Variants in EDA observed in about 807,000 individuals in gnomAD.
EDA encodes ectodysplasin A.
Under a neutral mutation model 23.6 loss-of-function variants are expected in EDA, and 2 were observed. The observed-to-expected ratio is 0.08, with a 90% CI of 0.03 to 0.27. The LOEUF is 0.27. Among genes scored for constraint, EDA ranks in the 10% least tolerant of loss-of-function variants. The pLI, the probability that EDA is intolerant of heterozygous loss-of-function variation, is 1.00. For missense variants in EDA, 229 were observed against 324.2 expected (o/e 0.71, Z 2.26); for synonymous variants, 131 against 132.0 (o/e 0.99, Z 0.05).
intron 1 of EDA, among the ~76,000 whole-genome samples, chrX:69,675,976 A>G (rs1934065778): frequency 9.0e-6 from 1 of 111,221 alleles, no homozygotes; most frequent in Non-Finnish European, 1.9e-5. Flanking sequence ...TTCCAGGCAG[A>G]AGAAGTAGCA....
intron 1 of EDA, among the ~76,000 whole-genome samples, chrX:69,674,910 G>A (rs745658712): frequency 1.8e-5 from 2 of 111,918 alleles, no homozygotes; most frequent in African/African-American, 3.2e-5. Flanking sequence ...CCTGACTGAT[G>A]TCCTTCCTTG....
chrX:69,677,648 G>A (rs1426891061), intron 1 of EDA, among the ~76,000 whole-genome samples: 3 of 112,453 alleles, frequency 2.7e-5, no homozygotes, highest in Non-Finnish European at 5.6e-5. Flanking sequence ...GTCTGTTCAT[G>A]TCCTTTGCCC....
At chrX:69,679,355 T>C (rs1934241382) in intron 1 of EDA, among the ~76,000 whole-genome samples, 1 of 109,155 alleles carries the variant, frequency 9.2e-6, no homozygotes, top group African/African-American at 3.3e-5. Flanking sequence ...TTAGGGAGGA[T>C]TCCCTCTTTT....
rs1933100756 is a variant in EDA, at chrX:69,651,457, G to A, written c.396+34753G>A. On this transcript the variant is annotated intron_variant, in intron 1 of 7. Coordinates refer to ENST00000374552, the MANE Select transcript of EDA (RefSeq NM_001399.5). ...CTGAGAGAACAAGCTTTCTGGTATT[G>A]GTATCCAGGTATATAATCTATCTAC... is the stretch of plus-strand genomic sequence containing the variant. 3.9e-5 allele frequency among the ~76,000 whole-genome samples: 4 copies of A among 103,578 alleles called. No homozygotes were observed. In the South Asian group the frequency reaches 1.9e-3, roughly 49 times the overall value. The allele number at this position is 103,578 out of a possible 115,157, so 89.9% of individuals were successfully genotyped here.
intron 1 of EDA, among the ~76,000 whole-genome samples, chrX:69,864,957 C>A (rs755591941): frequency 5.4e-5 from 6 of 111,008 alleles, no homozygotes; most frequent in Admixed American, 9.6e-5. Flanking sequence ...CCACTGCACT[C>A]CAGCCTGGGT....
chrX:69,757,960 A>G (rs757539467), intron 1 of EDA, among the ~76,000 whole-genome samples: 3 of 112,313 alleles, frequency 2.7e-5, no homozygotes, highest in Non-Finnish European at 5.6e-5. Context: ...TTTCTATGTG[A>G]CTAACAATAT....
chrX:70,024,816 G>A (rs746207674), intron 3 of EDA, among the ~76,000 whole-genome samples: 1 of 112,394 alleles, frequency 8.9e-6, no homozygotes, highest in South Asian at 3.7e-4. Flanking sequence ...TTAGCTAAAA[G>A]GTTAAGGAAA....
At chrX:69,676,962 A>G (rs1267119811) in intron 1 of EDA, among the ~76,000 whole-genome samples, 5 of 87,424 alleles carry the variant, frequency 5.7e-5, no homozygotes, top group Non-Finnish European at 9.0e-5. Flanking sequence ...ATATCTCCCA[A>G]TGCTATCCCT....
At chrX:69,668,255 T>C (rs1933756079) in intron 1 of EDA, among the ~76,000 whole-genome samples, 1 of 112,110 alleles carries the variant, frequency 8.9e-6, no homozygotes, top group African/African-American at 3.2e-5. Context: ...TTTAGTTATT[T>C]GTGAATTTTC....
intron 1 of EDA, among the ~76,000 whole-genome samples, chrX:69,759,500 C>T (rs1441657786): frequency 8.9e-6 from 1 of 111,902 alleles, no homozygotes; most frequent in Non-Finnish European, 1.9e-5. Flanking sequence ...AATGAAGTCA[C>T]GTGACTCAGT....
intron 1 of EDA, among the ~76,000 whole-genome samples, chrX:69,928,948 T>C (rs1044986981): frequency 8.9e-6 from 1 of 112,063 alleles, no homozygotes; most frequent in Non-Finnish European, 1.9e-5. Flanking sequence ...TCTATGGTAT[T>C]GAATGTTGCT....
chrX:69,976,034 G>A (rs2019313613), intron 2 of EDA, among the ~76,000 whole-genome samples: 1 of 111,155 alleles, frequency 9.0e-6, no homozygotes, highest in African/African-American at 3.3e-5. Flanking sequence ...AAGCTATTTA[G>A]TTTGTCTTTT....
intron 2 of EDA, among the ~76,000 whole-genome samples, chrX:69,999,590 T>C (rs1254007991): frequency 1.1e-5 from 1 of 92,990 alleles, no homozygotes. Flanking sequence ...CACTCCAGCC[T>C]GGGCTACAAG....
chrX:69,891,918 A>T (rs1342783843), intron 1 of EDA, among the ~76,000 whole-genome samples: 1 of 111,349 alleles, frequency 9.0e-6, no homozygotes, highest in Non-Finnish European at 1.9e-5. Flanking sequence ...CCCTGAACTT[A>T]TAAGTTGGAA....
intron 1 of EDA, among the ~76,000 whole-genome samples, chrX:69,726,926 G>A (rs922995961): frequency 8.9e-6 from 1 of 112,247 alleles, no homozygotes; most frequent in African/African-American, 3.2e-5. Context: ...ATCTGCAGAC[G>A]GCTACGTGTT....
intron 1 of EDA, among the ~76,000 whole-genome samples, chrX:69,726,529 T>C (rs2012808947): frequency 8.9e-6 from 1 of 112,797 alleles, no homozygotes; most frequent in South Asian, 3.7e-4. Context: ...AGTGCTCCTC[T>C]AACTTTTAAT....
At chrX:69,731,928 T>C (rs2013046293) in intron 1 of EDA, among the ~76,000 whole-genome samples, 1 of 111,521 alleles carries the variant, frequency 9.0e-6, no homozygotes. Context: ...ATTAAGGCAG[T>C]TGCCTCCCAT....
rs2147574179 is a variant in EDA, at chrX:69,849,313, G to A, written c.397-107714G>A. Among the ~76,000 whole-genome samples, 3 of 111,566 alleles carry A rather than the reference G, an allele frequency of 2.7e-5. No individual in the cohort carries two copies. The East Asian group carries it at 8.4e-4, about 31-fold the overall frequency. ...CAGTGCTAAACTGAATTAAGCCTTT[G>A]AAAATCCCATTGACACTTTAAAAAA... On this transcript the variant is annotated intron_variant, in intron 1 of 7. Coordinates refer to ENST00000374552, the MANE Select transcript of EDA (RefSeq NM_001399.5).
chrX:69,700,894 G>T (rs2011516560), intron 1 of EDA, among the ~76,000 whole-genome samples: 1 of 110,680 alleles, frequency 9.0e-6, no homozygotes, highest in South Asian at 3.9e-4. Context: ...GTGGAGAGTA[G>T]TGTGGAGTTT....
Sources: allele counts gnomAD v4.1 joint callset (sites outside exome capture counted in the v4.1 genomes callset), GRCh38; gene constraint gnomAD v4.1.1; transcripts MANE v1.5; gene names NCBI Gene and HGNC (gene_info 2026-07-23, HGNC 2026-07-21).